The following ADAM2 variants were observed in gnomAD, a reference collection of about 807,000 sequenced individuals.
The protein encoded by ADAM2 is disintegrin and metalloproteinase domain-containing protein 2.
ADAM2 carries 101 observed loss-of-function variants against 99.3 expected under a neutral mutation model. The ratio of observed to expected loss-of-function variants is 1.02; its 90% confidence interval spans 0.87 to 1.20. The LOEUF is 1.20. ADAM2 is among the 50% of genes most tolerant of loss of function. The pLI, the probability that ADAM2 is intolerant of heterozygous loss-of-function variation, is 0.00. For synonymous variants in ADAM2, 323 were observed against 287.6 expected, an observed-to-expected ratio of 1.12 and a Z score of -1.25; for missense variants, 948 against 878.7, an observed-to-expected ratio of 1.08 and a Z score of -1.00.
rs764406494 is a variant in ADAM2 at position 39,767,011 on chromosome 8, G to T, written c.1344C>A (p.Ser448=). 3.7e-6 allele frequency: 6 copies of T among 1,614,058 alleles called. No homozygotes were observed. The African/African-American group carries it at 4.0e-5, about 11-fold the overall frequency. Residue 448 remains serine, a synonymous_variant, in exon 14 of 21, where the codon TCC becomes TCA. Coordinates refer to ENST00000265708, the MANE Select transcript of ADAM2 (RefSeq NM_001464.5). Reference sequence around the variant, plus strand: ...ATTCAGGGAGGTCGCATTCTTCAAAGGAAGGCCTACACATTCTTTCTTTTG... The same window carrying T: ...ATTCAGGGAGGTCGCATTCTTCAAATGAAGGCCTACACATTCTTTCTTTTG... ...FMSKERMCRP[S]FEECDLPEYC...
intron 4 of ADAM2, among the ~76,000 whole-genome samples, 159 bp downstream of exon 4, chr8:39,824,660 C>T (rs911994177): frequency 5.3e-5 from 8 of 152,138 alleles, no homozygotes; most frequent in Non-Finnish European, 5.9e-5. Context: ...TTTAATAGGG[C>T]TAACTCAGTA....
At chr8:39,769,623 C>T (rs746803517) in intron 11 of ADAM2, 48 bp from the exon 12 acceptor site, 1 of 1,310,166 alleles carries the variant, frequency 7.6e-7, no homozygotes, top group Non-Finnish European at 1.1e-6. Context: ...TTTCCATAAA[C>T]TACCTACCCT....
At chr8:39,833,134 T>C (rs1158794450) in intron 3 of ADAM2, among the ~76,000 whole-genome samples, 1 of 152,168 alleles carries the variant, frequency 6.6e-6, no homozygotes, top group Non-Finnish European at 1.5e-5. Flanking sequence ...TGGGATTCTA[T>C]GTCAGTTTGC....
chr8:39,768,020 T>G (rs75790003), intron 12 of ADAM2, among the ~76,000 whole-genome samples: 2,208 of 152,158 alleles, frequency 0.015, 60 homozygotes, highest in African/African-American at 0.051. Flanking sequence ...TTTAGTAGTC[T>G]TCATATGAGT....
At chr8:39,822,338 G>C (rs1345405530) in intron 4 of ADAM2, among the ~76,000 whole-genome samples, 2 of 152,100 alleles carry the variant, frequency 1.3e-5, no homozygotes, top group African/African-American at 4.8e-5. Flanking sequence ...GTATCAGGAA[G>C]TTACATCAAC....
At chr8:39,781,485 G>A (rs1245006955) in intron 10 of ADAM2, among the ~76,000 whole-genome samples, 1 of 152,094 alleles carries the variant, frequency 6.6e-6, no homozygotes, top group Non-Finnish European at 1.5e-5. Context: ...GCACCATTAA[G>A]TATTTATTAT....
chr8:39,829,931 G>A (rs1012915851), intron 3 of ADAM2, among the ~76,000 whole-genome samples: 4 of 151,954 alleles, frequency 2.6e-5, no homozygotes, highest in African/African-American at 9.7e-5. Flanking sequence ...AACCACATTA[G>A]CTAGGATAAT....
chr8:39,834,054 G>T lies in ADAM2; in HGVS notation c.133-55C>A. Reference sequence around the variant, plus strand: ...GAAAATGAAAAAAAATGTTAGAAGGGATAACCATCATTTTACATTAATGAT... The same window carrying T: ...GAAAATGAAAAAAAATGTTAGAAGGTATAACCATCATTTTACATTAATGAT... On this transcript the variant is annotated intron_variant, in intron 2 of 20. Transcript: ENST00000265708. The T allele has an allele frequency of 4.3e-6, 4 of 932,056 alleles. No individual in the cohort carries two copies. The South Asian group carries it at 4.4e-5, about 10-fold the overall frequency. The allele number at this position is 932,056 out of a possible 1,614,324, so 57.7% of individuals were successfully genotyped here.
chr8:39,755,262 C>T (rs1228644184), intron 16 of ADAM2, among the ~76,000 whole-genome samples: 2 of 152,166 alleles, frequency 1.3e-5, no homozygotes, highest in Admixed American at 6.5e-5. Flanking sequence ...ATAGTCATAG[C>T]AATGTCATAT....
At chr8:39,786,051 C>G (rs906504785) in intron 10 of ADAM2, among the ~76,000 whole-genome samples, 20 of 152,140 alleles carry the variant, frequency 1.3e-4, no homozygotes, top group African/African-American at 4.8e-4. Context: ...TGAATTAACT[C>G]AGGAACAGAA....
At chr8:39,803,208 C>G (rs544287292) in intron 7 of ADAM2, among the ~76,000 whole-genome samples, 180 of 152,232 alleles carry the variant, frequency 1.2e-3, no homozygotes, top group Non-Finnish European at 2.1e-3. Flanking sequence ...GATCAAACCG[C>G]TCGGTATCAC....
chr8:39,786,970 A>T lies in ADAM2; in HGVS notation c.891+4T>A. ...CATACTTTCTATACATAACCATACC[A>T]TACCAGAACAACACCTCCTGCATAG... On this transcript the variant is annotated splice_donor_region_variant and intron_variant, in intron 10 of 20. Coordinates refer to ENST00000265708, the MANE Select transcript of ADAM2 (RefSeq NM_001464.5). The T allele has an allele frequency of 2.5e-6, 4 of 1,581,926 alleles. No individual in the cohort carries two copies. The highest frequency in any genetic ancestry group is 3.4e-6 in the Non-Finnish European group (4 of 1,162,852).
At chr8:39,787,614 AAC>A (rs1469545473) in intron 9 of ADAM2, among the ~76,000 whole-genome samples, 3 of 151,198 alleles carry the variant, frequency 2.0e-5, no homozygotes, top group Non-Finnish European at 4.4e-5. Flanking sequence ...ATAAAAGAAA[AAC>A]AGAGTCTATT....
intron 4 of ADAM2, among the ~76,000 whole-genome samples, chr8:39,823,097 T>C (rs959026165): frequency 1.1e-4 from 16 of 152,038 alleles, no homozygotes; most frequent in African/African-American, 3.9e-4. Context: ...ACATACATTT[T>C]AGATTGTTTA....
intron 7 of ADAM2, among the ~76,000 whole-genome samples, chr8:39,797,301 C>T (rs374190467): frequency 6.6e-5 from 10 of 151,124 alleles, no homozygotes; most frequent in East Asian, 5.9e-4. Flanking sequence ...TTTACTGAAT[C>T]GGAGATCCTT....
At chr8:39,816,017 C>G (rs1377833399) in intron 6 of ADAM2, among the ~76,000 whole-genome samples, 3 of 151,880 alleles carry the variant, frequency 2.0e-5, no homozygotes, top group Non-Finnish European at 2.9e-5. Flanking sequence ...TGGAGGAGGT[C>G]AGGCACGGTG....
At chr8:39,767,599 T>A (rs1421062784) in intron 12 of ADAM2, among the ~76,000 whole-genome samples, 1 of 152,164 alleles carries the variant, frequency 6.6e-6, no homozygotes, top group Non-Finnish European at 1.5e-5. Context: ...AGTTATAATT[T>A]AAAAATTATA....
intron 18 of ADAM2, among the ~76,000 whole-genome samples, chr8:39,747,400 T>G (rs190348060): frequency 1.3e-5 from 2 of 152,300 alleles, no homozygotes; most frequent in East Asian, 3.9e-4. Flanking sequence ...TGTTATGAAA[T>G]GACCAGTTTA....
At chr8:39,819,054 A>G (rs1423585239) in intron 6 of ADAM2, among the ~76,000 whole-genome samples, 1 of 152,076 alleles carries the variant, frequency 6.6e-6, no homozygotes, top group Admixed American at 6.6e-5. Context: ...TTGGAAATGC[A>G]TAGTAGCCAG....
Sources: allele counts gnomAD v4.1 joint callset (sites outside exome capture counted in the v4.1 genomes callset), GRCh38; gene constraint gnomAD v4.1.1; transcripts MANE v1.5; gene names NCBI Gene and HGNC (gene_info 2026-07-23, HGNC 2026-07-21).